The following LRP1B variants were observed in gnomAD, a reference collection of about 807,000 sequenced individuals.
The protein encoded by LRP1B is low-density lipoprotein receptor-related protein 1B.
Under a neutral mutation model 556.6 loss-of-function variants are expected in LRP1B, and 217 were observed. The ratio of observed to expected loss-of-function variants is 0.39; its 90% CI spans 0.35 to 0.44. The LOEUF is 0.44. LRP1B is among the 20% of genes least tolerant of loss of function. The probability of loss-of-function intolerance (pLI) is 1.00; values close to 1 mark genes in which losing one functional copy is unlikely to be tolerated. For synonymous variants in LRP1B, 2,047 were observed against 1,865.8 expected (o/e 1.10, Z -2.50); for missense variants, 5,053 against 5,620.8 (o/e 0.90, Z 3.23).
In LRP1B at chr2:140,716,795, G is replaced by C. The variant is rs1216364377; in HGVS notation, c.5780C>G (p.Thr1927Arg). Residue 1927 changes from threonine to arginine, a missense_variant, in exon 36 of 91, where the codon ACA (threonine) becomes AGA (arginine). Physicochemically the swap from Thr to Arg is moderately conservative, Grantham distance 71. Transcript: ENST00000389484. Reference sequence around the variant, plus strand: ...GCTAATTTTATTGAAGCCCATGTCTGTCCAGTAGATGGTATCATTTTCTAT... The same window carrying C: ...GCTAATTTTATTGAAGCCCATGTCTCTCCAGTAGATGGTATCATTTTCTAT... ...FHAENDTIYW[T>R]DMGFNKISRA... The C allele has an allele frequency of 6.2e-7, 1 of 1,601,996 alleles. No homozygotes were observed. The highest frequency in any genetic ancestry group is 2.2e-5 in the East Asian group (1 of 44,686).
Position 141,460,059 on chromosome 2 carries a change from T to C in LRP1B, c.343+20337A>G, listed in dbSNP as rs1681799895. On this transcript the variant is annotated intron_variant, in intron 3 of 90. Transcript: ENST00000389484. ...GCACTAAAACAAATGTATTAAACAC[T>C]CAGAAACCTAAATTTTAGCTGCTTC... 1.3e-5 allele frequency among the ~76,000 whole-genome samples: 2 copies of C among 152,172 alleles called. 1 individual carries two copies. The highest frequency in any genetic ancestry group is 1.3e-4 in the Admixed American group (2 of 15,260).
intron 32 of LRP1B, among the ~76,000 whole-genome samples, chr2:140,791,590 C>A (rs1042504032): frequency 6.6e-6 from 1 of 152,082 alleles, no homozygotes; most frequent in South Asian, 2.1e-4. Context: ...TCTGGTTATA[C>A]CTCTTTAAAT....
chr2:141,016,579 A>T (rs545229661), intron 12 of LRP1B, among the ~76,000 whole-genome samples: 2 of 152,076 alleles, frequency 1.3e-5, no homozygotes, highest in Non-Finnish European at 2.9e-5. Context: ...ACTGACCTTG[A>T]GATTTTGAGC....
At chr2:142,046,279 G>C (rs1274270561) in intron 1 of LRP1B, among the ~76,000 whole-genome samples, 1 of 151,944 alleles carries the variant, frequency 6.6e-6, no homozygotes, top group Non-Finnish European at 1.5e-5. Context: ...TAATGACAAA[G>C]AGAAGAGTGA....
intron 43 of LRP1B, among the ~76,000 whole-genome samples, chr2:140,553,951 G>A (rs779509718): frequency 2.0e-4 from 31 of 152,110 alleles, no homozygotes; most frequent in Middle Eastern, 3.4e-3. Context: ...ACCAGAAGCC[G>A]ACGGGAAAGA....
intron 3 of LRP1B, among the ~76,000 whole-genome samples, chr2:141,373,490 T>C (rs1689310355): frequency 1.3e-5 from 2 of 152,256 alleles, no homozygotes; most frequent in Non-Finnish European, 2.9e-5. Flanking sequence ...TTTTAAAGTC[T>C]AGTATTATTT....
intron 35 of LRP1B, among the ~76,000 whole-genome samples, chr2:140,726,174 A>C (rs894315166): frequency 1.3e-5 from 2 of 152,136 alleles, no homozygotes. Flanking sequence ...TCTTCCCCTT[A>C]CAATCCCATT....
intron 3 of LRP1B, among the ~76,000 whole-genome samples, chr2:141,391,737 C>T (rs1450687154): frequency 6.6e-6 from 1 of 152,064 alleles, no homozygotes; most frequent in East Asian, 1.9e-4. Flanking sequence ...GTTGGGAAAG[C>T]AGATAAAGGT....
chr2:141,109,385 C>A (rs1029432084), intron 7 of LRP1B, among the ~76,000 whole-genome samples: 1 of 152,078 alleles, frequency 6.6e-6, no homozygotes, highest in East Asian at 1.9e-4. Flanking sequence ...GCAAGATGAA[C>A]CCACTGGCAG....
At chr2:142,090,181 A>G (rs1202182389) in intron 1 of LRP1B, among the ~76,000 whole-genome samples, 1 of 152,166 alleles carries the variant, frequency 6.6e-6, no homozygotes, top group Non-Finnish European at 1.5e-5. Context: ...TTGAAAATAT[A>G]ATTTCAAATG....
At chr2:140,695,898 G>C (rs1318036522) in intron 41 of LRP1B, among the ~76,000 whole-genome samples, 1 of 152,102 alleles carries the variant, frequency 6.6e-6, no homozygotes, top group African/African-American at 2.4e-5. Flanking sequence ...TTTTAAACCT[G>C]AGGCCAAAAT....
At chr2:140,573,866 C>T (rs979318899) in intron 43 of LRP1B, among the ~76,000 whole-genome samples, 1 of 151,980 alleles carries the variant, frequency 6.6e-6, no homozygotes, top group Non-Finnish European at 1.5e-5. Context: ...AATTCTCACA[C>T]TTTGAACTAT....
At chr2:141,106,349 A>G (rs1029223003) in intron 7 of LRP1B, among the ~76,000 whole-genome samples, 9 of 152,212 alleles carry the variant, frequency 5.9e-5, no homozygotes, top group Non-Finnish European at 1.2e-4. Flanking sequence ...AAGTAAGGAA[A>G]ACACCTAGGT....
chr2:140,607,670 T>C (rs191465677), intron 41 of LRP1B, among the ~76,000 whole-genome samples: 3,817 of 151,824 alleles, frequency 0.025, 93 homozygotes, highest in Non-Finnish European at 0.034. Context: ...TAGACGTGTG[T>C]GTGTATATAT....
intron 84 of LRP1B, among the ~76,000 whole-genome samples, chr2:140,279,392 C>T (rs1360869256): frequency 1.3e-5 from 2 of 151,922 alleles, no homozygotes; most frequent in Admixed American, 6.6e-5. Flanking sequence ...CCCAGGTTTT[C>T]TGTAATTGAC....
intron 1 of LRP1B, among the ~76,000 whole-genome samples, chr2:142,090,264 C>T (rs1370112332): frequency 6.6e-6 from 1 of 151,984 alleles, no homozygotes; most frequent in Non-Finnish European, 1.5e-5. Flanking sequence ...CACCAGTAAA[C>T]AATAATGATA....
intron 1 of LRP1B, among the ~76,000 whole-genome samples, chr2:141,987,944 G>A (rs527832646): frequency 8.6e-5 from 13 of 151,850 alleles, no homozygotes; most frequent in South Asian, 2.1e-4. Context: ...TATAAGTGGC[G>A]TATGCAAAGG....
intron 20 of LRP1B, among the ~76,000 whole-genome samples, chr2:140,925,992 T>G (rs891338444): frequency 6.6e-6 from 1 of 152,068 alleles, no homozygotes; most frequent in Non-Finnish European, 1.5e-5. Flanking sequence ...ATTTGTTTTC[T>G]TATTCTAAAT....
At chr2:140,790,245 T>A (rs1250906905) in intron 32 of LRP1B, among the ~76,000 whole-genome samples, 2 of 152,082 alleles carry the variant, frequency 1.3e-5, no homozygotes, top group African/African-American at 4.8e-5. Flanking sequence ...TGCTCAATAT[T>A]CTGGTGGAAA....
Sources: gnomAD v4.1 joint callset for allele counts (sites outside exome capture counted in the v4.1 genomes callset) on GRCh38, gnomAD v4.1.1 for gene constraint, MANE v1.5 for transcripts, NCBI Gene and HGNC (gene_info 2026-07-23, HGNC 2026-07-21) for gene names.